NRG1: variants seen among roughly 807,000 people sequenced by gnomAD.
The protein encoded by NRG1 is neuregulin 1.
Under a neutral mutation model 63.8 loss-of-function variants are expected in NRG1, and 18 were observed. The observed-to-expected ratio is 0.28, with a 90% CI of 0.19 to 0.42. NRG1 has a LOEUF of 0.42. NRG1 is among the 10% of genes least tolerant of loss of function. The probability of loss-of-function intolerance (pLI) is 1.00; values close to 1 mark genes in which losing one functional copy is unlikely to be tolerated. For synonymous variants in NRG1, 302 were observed against 301.3 expected (o/e 1.00, Z -0.02); for missense variants, 762 against 814.7 (o/e 0.94, Z 0.79).
chr8:32,078,935 A>G (rs1827016782), intron 1 of NRG1, among the ~76,000 whole-genome samples: 1 of 152,160 alleles, frequency 6.6e-6, no homozygotes, highest in African/African-American at 2.4e-5. Context: ...ATAAGATGTT[A>G]ACTGGCAGTT....
At chr8:32,308,417 C>T (rs1856462639) in intron 1 of NRG1, among the ~76,000 whole-genome samples, 1 of 152,188 alleles carries the variant, frequency 6.6e-6, no homozygotes, top group Admixed American at 6.5e-5. Context: ...CTCTTCTCTG[C>T]CAGATATTGA....
intron 1 of NRG1, among the ~76,000 whole-genome samples, chr8:32,231,399 A>G (rs1374989745): frequency 6.6e-6 from 1 of 152,160 alleles, no homozygotes. Context: ...ACAAGATCAA[A>G]GGGCATATTA....
chr8:32,264,393 A>G (rs1476052494), intron 1 of NRG1, among the ~76,000 whole-genome samples: 1 of 152,196 alleles, frequency 6.6e-6, no homozygotes, highest in Non-Finnish European at 1.5e-5. Flanking sequence ...AGACAGAGGT[A>G]ACATTAGCAC....
At position 32,570,504 on chromosome 8, in the gene NRG1, AT is replaced by A. The variant is rs763650148; in HGVS notation, c.100+21686del. Among the ~76,000 whole-genome samples the A allele has an allele frequency of 3.8e-3, 582 of 151,970 alleles. 2 individuals are homozygous for A. The highest frequency in any genetic ancestry group is 0.013 in the African/African-American group (549 of 41,494). The stretch of plus-strand genomic sequence containing the variant: ...GAAAAGAAAGGGCCTGCTTTTAAAT[AT>A]TTTTTTTGGTGTTGTCCACTACTTG... On this transcript the variant is annotated intron_variant, in intron 1 of 11. Coordinates refer to ENST00000356819, the Ensembl canonical transcript of NRG1.
intron 5 of NRG1, among the ~76,000 whole-genome samples, chr8:32,635,922 G>T (rs1851257945): frequency 6.6e-6 from 1 of 152,094 alleles, no homozygotes; most frequent in Non-Finnish European, 1.5e-5. Context: ...GGTGTACATT[G>T]ATACTTTTTA....
chr8:31,925,298 T>C (rs1303822886), intron 1 of NRG1, among the ~76,000 whole-genome samples: 2 of 151,572 alleles, frequency 1.3e-5, no homozygotes, highest in African/African-American at 4.8e-5. Context: ...TAAGAATGTT[T>C]GTATATTTTT....
chr8:32,452,876 T>C (rs1224029326), intron 1 of NRG1, among the ~76,000 whole-genome samples: 1 of 152,206 alleles, frequency 6.6e-6, no homozygotes, highest in Non-Finnish European at 1.5e-5. Flanking sequence ...TAATTTCCCT[T>C]TAATAAGACA....
At chr8:31,988,643 G>A (rs1214453766) in intron 1 of NRG1, among the ~76,000 whole-genome samples, 3 of 152,106 alleles carry the variant, frequency 2.0e-5, no homozygotes, top group Admixed American at 2.0e-4. Flanking sequence ...TGAGAAAGCA[G>A]AAGATATGAG....
At chr8:32,771,170 G>T (rs2129066707), downstream of NRG1, among the ~76,000 whole-genome samples, 1 of 151,960 alleles carries the variant, frequency 6.6e-6, no homozygotes, top group African/African-American at 2.4e-5. Context: ...GAGTGCAATG[G>T]TTCAATTTTA....
At chr8:31,731,319 A>C (rs1814027758) in intron 1 of NRG1, among the ~76,000 whole-genome samples, 1 of 152,126 alleles carries the variant, frequency 6.6e-6, no homozygotes, top group African/African-American at 2.4e-5. Context: ...TTAATGATTT[A>C]AGAAGATATC....
intron 1 of NRG1, among the ~76,000 whole-genome samples, chr8:31,892,822 G>A (rs1003867823): frequency 6.6e-6 from 1 of 151,912 alleles, no homozygotes; most frequent in Non-Finnish European, 1.5e-5. Flanking sequence ...TTAAGCTAAC[G>A]TATTTACTTA....
chr8:32,594,533 C>T (rs572074928), intron 1 of NRG1, among the ~76,000 whole-genome samples: 12 of 152,244 alleles, frequency 7.9e-5, no homozygotes, highest in South Asian at 2.1e-4. Context: ...ACCACATGTC[C>T]GTATTACCCA....
chr8:32,248,385 C>T (rs1174729094), intron 1 of NRG1, among the ~76,000 whole-genome samples: 2 of 151,934 alleles, frequency 1.3e-5, no homozygotes, highest in African/African-American at 4.8e-5. Context: ...TACAGCACGA[C>T]TTATGCAAAG....
intron 1 of NRG1, among the ~76,000 whole-genome samples, chr8:31,775,776 G>A (rs557870138): frequency 1.1e-4 from 16 of 150,820 alleles, no homozygotes; most frequent in African/African-American, 3.7e-4. Flanking sequence ...CCAGCTACTC[G>A]GGAGGCTGAG....
At chr8:32,382,029 G>A (rs16879297) in intron 1 of NRG1, among the ~76,000 whole-genome samples, 1 of 152,048 alleles carries the variant, frequency 6.6e-6, no homozygotes. Flanking sequence ...TGAATGAGAT[G>A]ATAACAATGG....
chr8:31,731,906 C>T (rs1323114892), intron 1 of NRG1, among the ~76,000 whole-genome samples: 3 of 152,194 alleles, frequency 2.0e-5, no homozygotes, highest in South Asian at 4.1e-4. Context: ...CCTTGTCTTA[C>T]TCTGGGATGA....
In NRG1 at chr8:32,055,922, A is replaced by T. The variant is rs114536940; in HGVS notation, c.37+416491A>T. Among the ~76,000 whole-genome samples the T allele has an allele frequency of 5.9e-3, 901 of 152,226 alleles. 10 individuals are homozygous for T. The highest frequency in any genetic ancestry group is 0.021 in the African/African-American group (865 of 41,546). On this transcript the variant is annotated intron_variant, in intron 1 of 10. Coordinates refer to the NRG1 transcript ENST00000519301. The stretch of plus-strand genomic sequence containing the variant: ...GGTAGGAGAGGATCCATTCCTCAGA[A>T]TCAGGTTCATGTTAACATAGTTCAC...
At chr8:32,417,372 G>T (rs1334142688) in intron 1 of NRG1, among the ~76,000 whole-genome samples, 1 of 152,106 alleles carries the variant, frequency 6.6e-6, no homozygotes, top group Non-Finnish European at 1.5e-5. Flanking sequence ...ACTGCTGCAG[G>T]TATTGGTGAG....
chr8:32,241,094 A>G (rs781088375), intron 1 of NRG1, among the ~76,000 whole-genome samples: 4 of 152,148 alleles, frequency 2.6e-5, no homozygotes, highest in Non-Finnish European at 5.9e-5. Flanking sequence ...GCTTGTTTAA[A>G]CAAAAATTTC....
Sources: gnomAD v4.1 joint callset for allele counts (sites outside exome capture counted in the v4.1 genomes callset) on GRCh38, gnomAD v4.1.1 for gene constraint, MANE v1.5 for transcripts, NCBI Gene and HGNC (gene_info 2026-07-23, HGNC 2026-07-21) for gene names.